Variants in MITD1 observed in about 807,000 individuals in gnomAD.
The protein encoded by MITD1 is microtubule interacting and trafficking domain containing 1.
MITD1 carries 24 observed loss-of-function variants against 34.9 expected under a neutral mutation model. The observed-to-expected ratio is 0.69, with a 90% CI of 0.50 to 0.97. MITD1 has a LOEUF of 0.97. Among genes scored for constraint, MITD1 ranks in the 50% least tolerant of loss-of-function variants. MITD1 has a pLI of 0.00. For synonymous variants in MITD1, 102 were observed against 101.4 expected, an observed-to-expected ratio of 1.01 and a Z score of -0.04; for missense variants, 266 against 294.6, an observed-to-expected ratio of 0.90 and a Z score of 0.71.
downstream of MITD1, chr2:99,161,775 T>C (rs936782428): frequency 4.1e-6 from 2 of 488,330 alleles, no homozygotes; most frequent in Non-Finnish European, 7.2e-6. Flanking sequence ...TTTGTCTTCA[T>C]TTATTTCTTT....
At chr2:99,167,417 G>C (rs2093832025), downstream of MITD1, among the ~76,000 whole-genome samples, 1 of 152,142 alleles carries the variant, frequency 6.6e-6, no homozygotes, top group Non-Finnish European at 1.5e-5. Flanking sequence ...GGCTTCTGGT[G>C]CTCTAATTAG....
rs540998743 is a variant in MITD1 at position 99,180,812 on chromosome 2, G to A, written c.151+19C>T. 35 of 1,608,004 alleles carry A rather than the reference G, an allele frequency of 2.2e-5. No individual in the cohort carries two copies. The highest frequency in any genetic ancestry group is 8.3e-5 in the Admixed American group (5 of 59,910). On this transcript the variant is annotated intron_variant, in intron 1 of 6. Transcript: ENST00000289359. The stretch of plus-strand genomic sequence containing the variant: ...AGCTCCTTTTCCTCAGGTCCTCCCC[G>A]CCTTGGCTCATTGCTCACCTTTCAG...
At position 99,180,954 on chromosome 2, in the gene MITD1, G is replaced by T. The variant is rs1212763232; in HGVS notation, c.28C>A (p.Pro10Thr). The change falls in exon 1 of 7, where the codon CCG becomes ACG. Residue 10 changes from proline to threonine, a missense_variant. Coordinates refer to ENST00000289359, the MANE Select transcript of MITD1 (RefSeq NM_138798.3). MAKSGLRQDPQSTAAATVLK... is the reference protein window; with the variant it reads MAKSGLRQDTQSTAAATVLK... ...ACAGTGGCTGCAGCTGTGCTCTGCG[G>T]GTCCTGCCTCAGCCCGGACTTCGCC... The T allele has an allele frequency of 6.2e-7, 1 of 1,613,774 alleles. No individual in the cohort carries two copies. The highest frequency in any genetic ancestry group is 8.5e-7 in the Non-Finnish European group (1 of 1,179,918).
At chr2:99,176,690 G>A (rs962426253) in intron 1 of MITD1, among the ~76,000 whole-genome samples, 5 of 105,354 alleles carry the variant, frequency 4.7e-5, no homozygotes, top group Admixed American at 8.7e-5. Context: ...GTGTGCGCGT[G>A]TGTGTGTGTT....
intron 2 of MITD1, chr2:99,173,616 A>C: frequency 2.1e-6 from 1 of 467,050 alleles, no homozygotes. Context: ...CTTCATAGGG[A>C]TTTGTGAACC....
At chr2:99,166,251 T>C (rs1225587643), downstream of MITD1, among the ~76,000 whole-genome samples, 4 of 150,906 alleles carry the variant, frequency 2.7e-5, no homozygotes, top group Non-Finnish European at 5.9e-5. Flanking sequence ...GTATTTAAAA[T>C]GTAAGAAGAA....
At chr2:99,179,752 G>A (rs1371725740) in intron 1 of MITD1, among the ~76,000 whole-genome samples, 1 of 151,992 alleles carries the variant, frequency 6.6e-6, no homozygotes, top group East Asian at 1.9e-4. Context: ...CAGTAGAGAC[G>A]GGGTTTCACC....
At chr2:99,165,682 C>T (rs2093823823), downstream of MITD1, among the ~76,000 whole-genome samples, 1 of 152,136 alleles carries the variant, frequency 6.6e-6, no homozygotes, top group Admixed American at 6.5e-5. Flanking sequence ...GACTTCTCCA[C>T]CTGGTAGGAG....
intron 1 of MITD1, among the ~76,000 whole-genome samples, chr2:99,175,406 A>G (rs1433051645): frequency 3.3e-5 from 5 of 152,076 alleles, no homozygotes; most frequent in African/African-American, 4.8e-5. Flanking sequence ...AATGTCTCTC[A>G]TTTTGGACAG....
chr2:99,168,258 C>T (rs2093836089), downstream of MITD1, among the ~76,000 whole-genome samples: 1 of 152,214 alleles, frequency 6.6e-6, no homozygotes, highest in Admixed American at 6.5e-5. Flanking sequence ...TCTCCTGCCT[C>T]AGCCTCCCAA....
Position 99,173,933 on chromosome 2 carries a change from A to AG in MITD1, c.234dup (p.Asp80GlyfsTer14). On this transcript the variant is annotated frameshift_variant, in exon 2 of 7. Transcript: ENST00000289359. LOFTEE classifies it high-confidence loss of function. ...TCTTTACCTTCTTTTTCTTGGTCCA[A>AG]GTACTTCTTTATGTTTTCCGCTCTG... is the stretch of plus-strand genomic sequence containing the variant. 1 of 1,606,632 alleles carries AG rather than the reference A, an allele frequency of 6.2e-7. No homozygotes were observed. Among genetic ancestry groups the AG allele is most frequent in the Non-Finnish European group, 8.5e-7 (1 of 1,173,682 alleles).
chr2:99,161,677 G>GAA, downstream of MITD1: 4 of 241,784 alleles, frequency 1.7e-5, no homozygotes, highest in South Asian at 8.3e-5. Flanking sequence ...GTCTGTAAGA[G>GAA]AAAAAAAAAA....
intron 7 of MITD1, chr2:99,162,719 A>G: frequency 1.2e-6 from 2 of 1,614,194 alleles, no homozygotes; most frequent in Non-Finnish European, 1.7e-6. Context: ...CGGATGAGAC[A>G]CTGTTTCCTG....
At chr2:99,171,031 C>A (rs2093854410) in intron 4 of MITD1, 2 of 291,244 alleles carry the variant, frequency 6.9e-6, no homozygotes, top group Non-Finnish European at 1.3e-5. Context: ...GCTACCATCC[C>A]CCAGATATAA....
chr2:99,172,224 C>T (rs1408030040), intron 2 of MITD1: 1 of 152,002 alleles, frequency 6.6e-6, no homozygotes, highest in Non-Finnish European at 1.5e-5. Context: ...CCCAGCTCTA[C>T]TAAAAATATA....
intron 1 of MITD1, among the ~76,000 whole-genome samples, chr2:99,177,454 TA>T (rs1247213798): frequency 1.3e-5 from 2 of 152,186 alleles, no homozygotes; most frequent in Non-Finnish European, 2.9e-5. Flanking sequence ...TTATACATAT[TA>T]ATGGGGTACA....
rs758268217 is a variant in MITD1, at chr2:99,162,912, T to C, written c.*4-694A>G. The C allele has an allele frequency of 7.4e-5, 120 of 1,613,464 alleles. No individual in the cohort carries two copies. The highest frequency in any genetic ancestry group is 9.9e-5 in the South Asian group (9 of 90,936). Reference sequence around the variant, plus strand: ...TAATATTGAAGCACCTGATCATTGGTTGCCATTGGAAATACGTGACAAATT... The same window carrying C: ...TAATATTGAAGCACCTGATCATTGGCTGCCATTGGAAATACGTGACAAATT... On this transcript the variant is annotated intron_variant, in intron 7 of 7. Transcript: ENST00000422537.
chr2:99,179,519 C>A (rs1315398525), intron 1 of MITD1, among the ~76,000 whole-genome samples: 2 of 152,160 alleles, frequency 1.3e-5, no homozygotes, highest in Non-Finnish European at 2.9e-5. Flanking sequence ...TTGTCACTGT[C>A]ATCATTATCA....
chr2:99,176,387 G>A (rs942254784), intron 1 of MITD1, among the ~76,000 whole-genome samples: 2 of 150,518 alleles, frequency 1.3e-5, no homozygotes, highest in African/African-American at 4.9e-5. Flanking sequence ...GGCTGGAGGC[G>A]CAATCTCGGC....
Sources: allele counts gnomAD v4.1 joint callset (sites outside exome capture counted in the v4.1 genomes callset), GRCh38; gene constraint gnomAD v4.1.1; transcripts MANE v1.5; gene names NCBI Gene and HGNC (gene_info 2026-07-23, HGNC 2026-07-21).